Variants in PDE4D observed in about 807,000 individuals in gnomAD.
PDE4D encodes the protein 3',5'-cyclic-AMP phosphodiesterase 4D.
PDE4D carries 24 observed loss-of-function variants against 87.4 expected under a neutral mutation model. The observed-to-expected ratio is 0.27, with a 90% confidence interval of 0.20 to 0.39. PDE4D has a LOEUF of 0.39. PDE4D is among the 10% of genes least tolerant of loss of function. The probability of loss-of-function intolerance (pLI) is 1.00; values close to 1 mark genes in which losing one functional copy is unlikely to be tolerated. For missense variants in PDE4D, 714 were observed against 1,041.0 expected (o/e 0.69, Z 4.32); for synonymous variants, 384 against 383.2 (o/e 1.00, Z -0.02).
intron 1 of PDE4D, among the ~76,000 whole-genome samples, chr5:59,722,956 A>AT (rs1036634361): frequency 3.9e-5 from 6 of 152,134 alleles, no homozygotes; most frequent in Admixed American, 1.3e-4. Context: ...ATGCTTTCTG[A>AT]TTTTTTTACA....
At chr5:60,167,328 A>C (rs2961901) in intron 2 of PDE4D, among the ~76,000 whole-genome samples, 84,516 of 138,050 alleles carry the variant, frequency 0.61, 25,780 homozygotes, top group Middle Eastern at 0.68. Context: ...AGTGCAGTGG[A>C]GCAATCTCGG....
intron 6 of PDE4D, among the ~76,000 whole-genome samples, chr5:59,036,272 G>A (rs1472612270): frequency 6.6e-6 from 1 of 152,086 alleles, no homozygotes; most frequent in Non-Finnish European, 1.5e-5. Flanking sequence ...CAATCTATTA[G>A]AGTAAATTTT....
At chr5:60,122,445 A>G (rs985225167) in intron 2 of PDE4D, among the ~76,000 whole-genome samples, 1 of 152,218 alleles carries the variant, frequency 6.6e-6, no homozygotes, top group East Asian at 1.9e-4. Flanking sequence ...CCGAACTTCA[A>G]TTCTTGACTT....
intron 1 of PDE4D, among the ~76,000 whole-genome samples, chr5:59,848,804 C>G (rs530811620): frequency 6.6e-6 from 1 of 152,066 alleles, no homozygotes; most frequent in South Asian, 2.1e-4. Context: ...AAAATAAAAT[C>G]CGTAACCGGG....
chr5:59,569,847 A>G (rs1233583006), intron 1 of PDE4D, among the ~76,000 whole-genome samples: 2 of 152,128 alleles, frequency 1.3e-5, no homozygotes, highest in Non-Finnish European at 2.9e-5. Flanking sequence ...GCCCAAAAGG[A>G]AGCACAATAT....
intron 3 of PDE4D, among the ~76,000 whole-genome samples, chr5:59,930,901 T>C (rs1755836020): frequency 6.6e-6 from 1 of 152,238 alleles, no homozygotes; most frequent in African/African-American, 2.4e-5. Context: ...AACTTTCATC[T>C]TGTATATTAA....
intron 1 of PDE4D, among the ~76,000 whole-genome samples, chr5:59,395,489 C>A (rs370440529): frequency 2.0e-5 from 3 of 152,232 alleles, no homozygotes; most frequent in East Asian, 3.9e-4. Context: ...CCTCACACTG[C>A]AGGGTACTCC....
chr5:60,171,570 G>T (rs112939635), intron 2 of PDE4D, among the ~76,000 whole-genome samples: 3,669 of 152,134 alleles, frequency 0.024, 143 homozygotes, highest in African/African-American at 0.084. Flanking sequence ...ACTCACATAG[G>T]CTTTATAAAT....
chr5:59,097,610 T>G (rs2153431798), intron 5 of PDE4D, among the ~76,000 whole-genome samples: 1 of 152,310 alleles, frequency 6.6e-6, no homozygotes, highest in African/African-American at 2.4e-5. Flanking sequence ...AGAAGAAAGC[T>G]TTTTTCTTAA....
At chr5:59,572,154 A>G (rs1821950307) in intron 1 of PDE4D, among the ~76,000 whole-genome samples, 1 of 152,190 alleles carries the variant, frequency 6.6e-6, no homozygotes, top group African/African-American at 2.4e-5. Flanking sequence ...TATAGACTCA[A>G]CATTTGCCTC....
rs140151588 is a variant in PDE4D, at chr5:59,314,557, C to T, written c.456-98589G>A. On this transcript the variant is annotated intron_variant, in intron 1 of 14. Coordinates refer to ENST00000340635, the MANE Select transcript of PDE4D (RefSeq NM_001104631.2). ...AATGCAGTCATGGACAACAGACTAG[C>T]TCTAGATTACCTCCTTGCAGAACAG... 5 of 152,278 alleles carry T rather than the reference C, an allele frequency of 3.3e-5. No individual in the cohort carries two copies. In the East Asian group the frequency reaches 9.7e-4, roughly 29 times the overall value. The allele number at this position is 152,278 out of a possible 1,614,324, so 9.4% of individuals were successfully genotyped here.
intron 1 of PDE4D, among the ~76,000 whole-genome samples, chr5:60,510,882 G>A (rs896883840): frequency 6.6e-6 from 1 of 152,358 alleles, no homozygotes; most frequent in Middle Eastern, 3.4e-3. Flanking sequence ...GGGAGAGGCA[G>A]ACACCTGTGA....
At chr5:59,053,817 G>A (rs1050017340) in intron 5 of PDE4D, among the ~76,000 whole-genome samples, 5 of 151,640 alleles carry the variant, frequency 3.3e-5, no homozygotes, top group East Asian at 1.9e-4. Flanking sequence ...TGCCTCAAGC[G>A]AGGCACAAGA....
chr5:60,004,639 C>A (rs1764305828), intron 2 of PDE4D, among the ~76,000 whole-genome samples: 1 of 152,008 alleles, frequency 6.6e-6, no homozygotes. Context: ...ACTCCAATAA[C>A]CCATTTTAAA....
rs184748746 is a variant in PDE4D, at chr5:59,690,008, A to G, written c.455+203160T>C. Among the ~76,000 whole-genome samples, 117 of 152,310 alleles carry G rather than the reference A, an allele frequency of 7.7e-4. 1 individual carries two copies. In the East Asian group the frequency reaches 0.019, roughly 25 times the overall value. ...TAAAACACCTAGGAATCCAACTTAC[A>G]AGGGATGTGAAGGACCTCTTCAAGG... On this transcript the variant is annotated intron_variant, in intron 1 of 14. Transcript: ENST00000340635.
intron 2 of PDE4D, among the ~76,000 whole-genome samples, chr5:60,091,926 C>T (rs1383560456): frequency 6.6e-6 from 1 of 151,118 alleles, no homozygotes; most frequent in Non-Finnish European, 1.5e-5. Flanking sequence ...TGGCGCGTGC[C>T]TGTAGTCCCA....
intron 1 of PDE4D, among the ~76,000 whole-genome samples, chr5:60,331,479 C>T (rs1757300657): frequency 6.6e-6 from 1 of 152,226 alleles, no homozygotes; most frequent in Admixed American, 6.5e-5. Context: ...TGTATGGACG[C>T]CATGGTTTCT....
At chr5:60,476,895 G>A (rs760648960) in intron 1 of PDE4D, among the ~76,000 whole-genome samples, 36 of 152,124 alleles carry the variant, frequency 2.4e-4, no homozygotes, top group Non-Finnish European at 4.9e-4. Flanking sequence ...TTTAATGTCT[G>A]TCAATCCCCA....
intron 1 of PDE4D, among the ~76,000 whole-genome samples, chr5:59,548,557 T>C (rs1817635598): frequency 6.6e-6 from 1 of 152,064 alleles, no homozygotes; most frequent in African/African-American, 2.4e-5. Flanking sequence ...CCTTAATTAA[T>C]AAATAAATAA....
Sources: gnomAD v4.1 joint callset for allele counts (sites outside exome capture counted in the v4.1 genomes callset) on GRCh38, gnomAD v4.1.1 for gene constraint, MANE v1.5 for transcripts, NCBI Gene and HGNC (gene_info 2026-07-23, HGNC 2026-07-21) for gene names.